Variants in DIAPH3 observed in about 807,000 individuals in gnomAD.
DIAPH3 encodes diaphanous related formin 3, also known as protein diaphanous homolog 3.
DIAPH3 carries 117 observed loss-of-function variants against 144.3 expected under a neutral mutation model. The ratio of observed to expected loss-of-function variants is 0.81; its 90% confidence interval spans 0.70 to 0.95. The LOEUF (loss-of-function observed/expected upper bound fraction) is 0.95, where lower values mean the gene tolerates loss of function less well. Ranked by LOEUF, DIAPH3 falls within the 40% of genes least tolerant of loss-of-function variation. DIAPH3 has a pLI of 0.00. For missense variants in DIAPH3, 1,421 were observed against 1,412.7 expected (o/e 1.01, Z -0.09); for synonymous variants, 519 against 488.9 (o/e 1.06, Z -0.81).
At position 60,107,276 on chromosome 13, in the gene DIAPH3, G is replaced by A. The variant is rs368711790; in HGVS notation, c.390+4734C>T. On this transcript the variant is annotated intron_variant, in intron 3 of 27. Transcript: ENST00000400324. ...TCTTATACAGACAGAAAAAAAAAAGGAAAGTTTCTTCAGTGTATGGGAGCA... is the reference window on the plus strand; with the variant it reads ...TCTTATACAGACAGAAAAAAAAAAGAAAAGTTTCTTCAGTGTATGGGAGCA... Among the ~76,000 whole-genome samples, 19 of 152,096 alleles carry A rather than the reference G, an allele frequency of 1.2e-4. No homozygotes were observed. In the East Asian group the frequency reaches 3.3e-3, roughly 26 times the overall value.
intron 22 of DIAPH3, among the ~76,000 whole-genome samples, chr13:59,857,204 A>C (rs537833419): frequency 6.6e-6 from 1 of 152,288 alleles, no homozygotes; most frequent in Non-Finnish European, 1.5e-5. Context: ...ATAGCAGATA[A>C]ATTTGAAATT....
chr13:59,883,045 T>C (rs1220791186), intron 20 of DIAPH3, among the ~76,000 whole-genome samples: 1 of 152,164 alleles, frequency 6.6e-6, no homozygotes, highest in Non-Finnish European at 1.5e-5. Flanking sequence ...TGGCAATATA[T>C]GTTGTTAGAG....
At chr13:59,845,874 T>G (rs370109456) in intron 22 of DIAPH3, among the ~76,000 whole-genome samples, 98 of 152,348 alleles carry the variant, frequency 6.4e-4, no homozygotes, top group African/African-American at 2.0e-3. Flanking sequence ...AAGACACCAT[T>G]CATCTTTGTA....
chr13:60,017,009 G>C (rs58749011), intron 5 of DIAPH3, among the ~76,000 whole-genome samples: 5,574 of 152,050 alleles, frequency 0.037, 133 homozygotes, highest in East Asian at 0.075. Flanking sequence ...AAAGAATGAA[G>C]GAAAGAAAAG....
intron 2 of DIAPH3, among the ~76,000 whole-genome samples, chr13:60,121,453 C>A (rs1262498696): frequency 2.6e-5 from 4 of 152,090 alleles, no homozygotes; most frequent in African/African-American, 9.7e-5. Context: ...CCAATGCCTT[C>A]AGTGAATCAG....
intron 2 of DIAPH3, among the ~76,000 whole-genome samples, chr13:60,119,913 T>C (rs2058803855): frequency 6.6e-6 from 1 of 152,028 alleles, no homozygotes; most frequent in African/African-American, 2.4e-5. Flanking sequence ...GTAATACTTG[T>C]TGAAGGTATG....
At chr13:59,772,774 C>T (rs2038191292) in intron 27 of DIAPH3, among the ~76,000 whole-genome samples, 1 of 152,002 alleles carries the variant, frequency 6.6e-6, no homozygotes, top group Admixed American at 6.6e-5. Context: ...TTGGCTGTGG[C>T]TCTTTTTTAA....
chr13:59,790,882 A>G (rs2039292634), intron 25 of DIAPH3, among the ~76,000 whole-genome samples: 1 of 152,220 alleles, frequency 6.6e-6, no homozygotes, highest in South Asian at 2.1e-4. Flanking sequence ...CCGCTCCACA[A>G]CTATAAAAAG....
intron 3 of DIAPH3, among the ~76,000 whole-genome samples, chr13:60,111,388 T>C (rs967867370): frequency 5.9e-5 from 9 of 152,108 alleles, no homozygotes; most frequent in Non-Finnish European, 1.0e-4. Flanking sequence ...ATGCAAACAG[T>C]AGAGCACAGT....
At chr13:59,851,136 T>A (rs1232726139) in intron 22 of DIAPH3, among the ~76,000 whole-genome samples, 4 of 152,134 alleles carry the variant, frequency 2.6e-5, no homozygotes, top group African/African-American at 9.7e-5. Context: ...AATAAAATAC[T>A]GGCAAACCGA....
intron 17 of DIAPH3, among the ~76,000 whole-genome samples, chr13:59,958,649 G>C (rs2049551200): frequency 6.6e-6 from 1 of 151,768 alleles, no homozygotes; most frequent in African/African-American, 2.4e-5. Context: ...AATGAAGTTA[G>C]TAGTATATAT....
intron 27 of DIAPH3, among the ~76,000 whole-genome samples, chr13:59,715,006 T>C (rs988845934): frequency 2.0e-5 from 3 of 152,164 alleles, no homozygotes; most frequent in Admixed American, 6.5e-5. Context: ...AGTACTGACG[T>C]AGTTTTTCTC....
intron 27 of DIAPH3, among the ~76,000 whole-genome samples, chr13:59,693,839 T>C (rs576202041): frequency 6.6e-6 from 1 of 152,272 alleles, no homozygotes; most frequent in South Asian, 2.1e-4. Flanking sequence ...ATAATCCTCA[T>C]TTAGAAAGCA....
chr13:59,844,532 A>AAAAC (rs1308891464), intron 22 of DIAPH3, among the ~76,000 whole-genome samples: 1 of 151,862 alleles, frequency 6.6e-6, no homozygotes, highest in African/African-American at 2.4e-5. Flanking sequence ...AAAACAAAAC[A>AAAAC]AAACAAAAAC....
At chr13:60,141,101 C>T (rs899188559) in intron 1 of DIAPH3, among the ~76,000 whole-genome samples, 2 of 152,064 alleles carry the variant, frequency 1.3e-5, no homozygotes, top group Non-Finnish European at 2.9e-5. Context: ...ATTGACTTTG[C>T]TTTATTTTTC....
chr13:60,104,894 G>A (rs925977179), intron 3 of DIAPH3, among the ~76,000 whole-genome samples: 4 of 151,986 alleles, frequency 2.6e-5, no homozygotes, highest in Non-Finnish European at 5.9e-5. Flanking sequence ...AGGAGATCGA[G>A]ACCATCCTGG....
intron 5 of DIAPH3, among the ~76,000 whole-genome samples, chr13:60,033,461 C>A (rs537502175): frequency 1.3e-5 from 2 of 152,284 alleles, no homozygotes; most frequent in Non-Finnish European, 2.9e-5. Context: ...GGAAGCATGA[C>A]ACCAGCATCT....
chr13:59,802,272 G>C (rs2039941633), intron 25 of DIAPH3, among the ~76,000 whole-genome samples: 1 of 152,118 alleles, frequency 6.6e-6, no homozygotes, highest in Non-Finnish European at 1.5e-5. Flanking sequence ...CAGCAGCCCA[G>C]ATGCTTGCTA....
chr13:60,050,354 A>C (rs1009876457), intron 4 of DIAPH3, among the ~76,000 whole-genome samples: 1 of 152,222 alleles, frequency 6.6e-6, no homozygotes, highest in Admixed American at 6.5e-5. Flanking sequence ...GAGGACAGTA[A>C]GAAGACTCAG....
Sources: gnomAD v4.1 joint callset for allele counts (sites outside exome capture counted in the v4.1 genomes callset) on GRCh38, gnomAD v4.1.1 for gene constraint, MANE v1.5 for transcripts, NCBI Gene and HGNC (gene_info 2026-07-23, HGNC 2026-07-21) for gene names.